Variants in CHRNB3 observed in about 807,000 individuals in gnomAD.
CHRNB3 encodes the protein neuronal acetylcholine receptor subunit beta-3.
CHRNB3 carries 37 observed loss-of-function variants against 40.6 expected under a neutral mutation model. The observed-to-expected ratio is 0.91, with a 90% CI of 0.70 to 1.20. The LOEUF is 1.20. Among genes scored for constraint, CHRNB3 ranks in the 50% most tolerant of loss-of-function variants. The pLI is 0.00. For synonymous variants in CHRNB3, 207 were observed against 207.1 expected (o/e 1.00, Z 0.00); for missense variants, 505 against 551.2 (o/e 0.92, Z 0.84).
At chr8:42,701,949 T>C (rs570073500) in intron 1 of CHRNB3, among the ~76,000 whole-genome samples, 29 of 152,316 alleles carry the variant, frequency 1.9e-4, no homozygotes, top group African/African-American at 7.0e-4. Flanking sequence ...CCTTTTCTTA[T>C]TGGGAGATGT....
At chr8:42,708,501 A>ACAC (rs1815957592) in intron 1 of CHRNB3, among the ~76,000 whole-genome samples, 1 of 152,056 alleles carries the variant, frequency 6.6e-6, no homozygotes, top group Non-Finnish European at 1.5e-5. Flanking sequence ...ACACACAAAC[A>ACAC]AAATGTGGAT....
chr8:42,732,448 CT>C lies in CHRNB3; in HGVS notation c.1143del (p.Ser382ValfsTer7). 1.2e-6 allele frequency: 2 copies of C among 1,613,792 alleles called. No individual in the cohort carries two copies. The highest frequency in any genetic ancestry group is 1.1e-5 in the South Asian group (1 of 91,006). ...CCTCGAAAAAAAGAAACAGAAACAG[CT>C]TAGTGATGGAGAAAAAGTTCTAGTT... The part of the protein sequence containing the change: ...KVLEKKKQKQ[L>X]SDGEKVLVAF... On this transcript the variant is annotated frameshift_variant, in exon 5 of 6. Transcript: ENST00000289957. LOFTEE classifies it high-confidence loss of function.
chr8:42,703,435 A>AAAATATATATATATATATAT, intron 1 of CHRNB3, among the ~76,000 whole-genome samples: 2 of 47,400 alleles, frequency 4.2e-5, no homozygotes, highest in African/African-American at 1.2e-4. Context: ...AAAAAAAAAA[A>AAAATATATATATATATATAT]ATATTTATAT....
At chr8:42,727,960 C>A (rs1213516077) in intron 3 of CHRNB3, among the ~76,000 whole-genome samples, 1 of 152,098 alleles carries the variant, frequency 6.6e-6, no homozygotes, top group Admixed American at 6.5e-5. Flanking sequence ...AGATATGACA[C>A]AATCCATAAA....
chr8:42,729,916 C>T (rs188269898), intron 3 of CHRNB3, among the ~76,000 whole-genome samples: 1 of 151,568 alleles, frequency 6.6e-6, no homozygotes, highest in African/African-American at 2.4e-5. Context: ...ATTCATCAGC[C>T]CCTGTAAAAC....
intron 3 of CHRNB3, among the ~76,000 whole-genome samples, chr8:42,714,101 A>T (rs1816061657): frequency 6.6e-6 from 1 of 152,248 alleles, no homozygotes; most frequent in Non-Finnish European, 1.5e-5. Context: ...GTTGGGGCAG[A>T]AAAGAAAGGT....
chr8:42,701,049 GAAACCCCGTCTCTACTAA>G (rs997457553), intron 1 of CHRNB3, among the ~76,000 whole-genome samples: 23 of 151,872 alleles, frequency 1.5e-4, no homozygotes, highest in African/African-American at 4.3e-4. Flanking sequence ...CCAACATGGT[GAAACCCCGTCTCTACTAA>G]AAACACAAAA....
In CHRNB3 at chr8:42,735,260, G is replaced by A. The variant is rs369917344; in HGVS notation, c.1243-1224G>A. ...AAACAAAAAAACACTAATACAGGCC[G>A]GGTGTGGTGGCTCACGCCTGTAATC... On this transcript the variant is annotated intron_variant, in intron 5 of 5. Transcript: ENST00000289957. 1.3e-4 allele frequency among the ~76,000 whole-genome samples: 19 copies of A among 149,132 alleles called. No individual in the cohort carries two copies. In the East Asian group the frequency reaches 2.8e-3, roughly 22 times the overall value.
intron 3 of CHRNB3, among the ~76,000 whole-genome samples, chr8:42,712,173 A>G (rs1196615684): frequency 6.6e-6 from 1 of 151,820 alleles, no homozygotes; most frequent in African/African-American, 2.4e-5. Flanking sequence ...TTGTATTTTT[A>G]GTAGAGATGG....
chr8:42,711,998 TTTC>T (rs891469783), intron 3 of CHRNB3, among the ~76,000 whole-genome samples: 28 of 152,202 alleles, frequency 1.8e-4, no homozygotes, highest in African/African-American at 6.7e-4. Context: ...TGTTTTTCTT[TTTC>T]TTTTTTTTTG....
intron 3 of CHRNB3, among the ~76,000 whole-genome samples, chr8:42,729,279 G>A (rs971337190): frequency 1.1e-4 from 16 of 151,910 alleles, no homozygotes; most frequent in East Asian, 1.9e-4. Context: ...GCGTGGTGGC[G>A]GGAACCTGTA....
Position 42,730,917 on chromosome 8 carries a change from G to C in CHRNB3, c.359+214G>C. ...CAAAAAATTAGCCGGGCGCGGTGGC[G>C]GGCGCCTGTAGTCCCAGCTACTCGG... On this transcript the variant is annotated intron_variant, in intron 4 of 5. Transcript: ENST00000289957. 1.4e-5 allele frequency among the ~76,000 whole-genome samples: 2 copies of C among 146,556 alleles called. 1 individual carries two copies. The highest frequency in any genetic ancestry group is 4.5e-4 in the South Asian group (2 of 4,482).
intron 5 of CHRNB3, among the ~76,000 whole-genome samples, chr8:42,732,895 G>C (rs62515867): frequency 0.033 from 5,060 of 152,172 alleles, 129 homozygotes; most frequent in Middle Eastern, 0.11. Flanking sequence ...TTTTTCATTG[G>C]ATGATAAATA....
At chr8:42,705,752 G>A (rs1006525085) in intron 1 of CHRNB3, 2 of 152,388 alleles carry the variant, frequency 1.3e-5, no homozygotes, top group African/African-American at 4.8e-5. Context: ...CCTGGGGATA[G>A]ATGGAGGAGG....
chr8:42,711,348 G>A (rs1816012379), intron 3 of CHRNB3, among the ~76,000 whole-genome samples: 1 of 151,532 alleles, frequency 6.6e-6, no homozygotes. Context: ...AATTGCTTGT[G>A]TTTTTATTTT....
At chr8:42,727,384 AAAAAAAGAAAG>A (rs1225362829) in intron 3 of CHRNB3, among the ~76,000 whole-genome samples, 4 of 151,728 alleles carry the variant, frequency 2.6e-5, no homozygotes, top group Non-Finnish European at 5.9e-5. Context: ...AAAAAAAAAA[AAAAAAAGAAAG>A]AAAAAAGAAA....
intron 3 of CHRNB3, among the ~76,000 whole-genome samples, chr8:42,712,270 G>C (rs2128905884): frequency 6.6e-6 from 1 of 152,276 alleles, no homozygotes; most frequent in African/African-American, 2.4e-5. Flanking sequence ...TGGGATTACA[G>C]GTGTGAGCCA....
At chr8:42,736,360 G>C (rs113460683) in intron 5 of CHRNB3, 124 bp from the exon 6 acceptor site, 20 of 1,163,022 alleles carry the variant, frequency 1.7e-5, no homozygotes, top group Non-Finnish European at 2.5e-5. Context: ...TGGGACATTA[G>C]ATGCATTTTG....
intron 1 of CHRNB3, among the ~76,000 whole-genome samples, chr8:42,698,601 C>T (rs1255764780): frequency 6.6e-6 from 1 of 152,188 alleles, no homozygotes; most frequent in Non-Finnish European, 1.5e-5. Flanking sequence ...AGACCAAGGA[C>T]TCAAAGTCAA....
Sources: gnomAD v4.1 joint callset for allele counts (sites outside exome capture counted in the v4.1 genomes callset) on GRCh38, gnomAD v4.1.1 for gene constraint, MANE v1.5 for transcripts, NCBI Gene and HGNC (gene_info 2026-07-23, HGNC 2026-07-21) for gene names.